Variants in PTPRJ observed in about 807,000 individuals in gnomAD.
PTPRJ encodes the protein receptor-type tyrosine-protein phosphatase eta.
PTPRJ carries 129 observed loss-of-function variants against 141.3 expected under a neutral mutation model. That is an observed-to-expected ratio of 0.91 (90% CI 0.79 to 1.06). The LOEUF (loss-of-function observed/expected upper bound fraction) is 1.06. PTPRJ is among the 50% of genes least tolerant of loss of function. PTPRJ has a pLI of 0.00. For missense variants in PTPRJ, 1,601 were observed against 1,679.7 expected, an observed-to-expected ratio of 0.95 and a Z score of 0.82; for synonymous variants, 610 against 640.5, an observed-to-expected ratio of 0.95 and a Z score of 0.72.
In PTPRJ at chr11:48,132,280, C is replaced by T. The variant is rs991785927; in HGVS notation, c.1615+1564C>T. The T allele has an allele frequency of 1.6e-5, 16 of 984,688 alleles. No individual in the cohort carries two copies. In the African/African-American group the frequency reaches 1.7e-4, roughly 11 times the overall value. The allele number at this position is 984,688 out of a possible 1,614,324, so 61.0% of individuals were successfully genotyped here. On this transcript the variant is annotated intron_variant, in intron 8 of 24. Transcript: ENST00000418331. ...GTCAGCTACGGTGGCCTGCACCCAT[C>T]GTCCCAGCTACTTGAGAGGCTGCGG...
In PTPRJ at chr11:48,164,386, G is replaced by C; in HGVS notation, c.3726G>C (p.Gly1242=). ...TATTTCTCTTTTCTCTCAGTGCTGG[G>C]GTCGGAAGGACGGGCACTTTCATTG... The part of the protein sequence containing the change: ...ESPILVHCSA[G]VGRTGTFIAI... The change falls in exon 24 of 25, where the codon GGG becomes GGC. Residue 1242 remains glycine, a synonymous_variant. Coordinates refer to ENST00000418331, the MANE Select transcript of PTPRJ (RefSeq NM_002843.4). 2 of 1,613,854 alleles carry C rather than the reference G, an allele frequency of 1.2e-6. No individual in the cohort carries two copies. The highest frequency in any genetic ancestry group is 1.7e-6 in the Non-Finnish European group (2 of 1,179,938).
chr11:48,012,814 A>G (rs894473732), intron 1 of PTPRJ, among the ~76,000 whole-genome samples: 3 of 152,172 alleles, frequency 2.0e-5, no homozygotes, highest in African/African-American at 7.2e-5. Context: ...TAAAAAGTAT[A>G]CAGTTCAAGG....
At chr11:48,124,077 A>ACTT (rs1470061480) in intron 5 of PTPRJ, among the ~76,000 whole-genome samples, 1 of 152,214 alleles carries the variant, frequency 6.6e-6, no homozygotes, top group African/African-American at 2.4e-5. Flanking sequence ...TGGGGCTGAG[A>ACTT]ACAGCAATAG....
rs1273475267 is a variant in PTPRJ, at chr11:47,995,413, G to A, written c.96+14405G>A. ...TGGGAGGGTCTACATAGGACAGGGC[G>A]TGTCTGAGTCCAGGAAGGACAGCTG... On this transcript the variant is annotated intron_variant, in intron 1 of 24. Transcript: ENST00000418331. Among the ~76,000 whole-genome samples the A allele has an allele frequency of 2.6e-5, 4 of 152,302 alleles. No individual in the cohort carries two copies. In the East Asian group the frequency reaches 5.8e-4, roughly 22 times the overall value.
intron 1 of PTPRJ, among the ~76,000 whole-genome samples, chr11:47,983,651 C>T (rs544246728): frequency 6.6e-6 from 1 of 152,308 alleles, no homozygotes; most frequent in Admixed American, 6.5e-5. Context: ...TCTGACTCCT[C>T]CCATTCTCAT....
intron 12 of PTPRJ, 83 bp from the exon 13 acceptor site, chr11:48,144,592 C>A: frequency 8.9e-7 from 1 of 1,118,572 alleles, no homozygotes; most frequent in Non-Finnish European, 1.3e-6. Context: ...TATCACCCAA[C>A]ATCACCACCA....
intron 21 of PTPRJ, 121 bp downstream of exon 21, chr11:48,156,240 T>C: frequency 1.2e-6 from 1 of 807,378 alleles, no homozygotes; most frequent in Non-Finnish European, 1.9e-6. Context: ...CACTTTATTC[T>C]TATAAACTTG....
At chr11:48,160,104 G>A (rs542303324) in intron 22 of PTPRJ, 55 bp downstream of exon 22, 1 of 1,590,154 alleles carries the variant, frequency 6.3e-7, no homozygotes, top group South Asian at 1.1e-5. Context: ...TGTTAATTTG[G>A]GGGTGATATG....
At chr11:48,164,602 TG>T in intron 24 of PTPRJ, 87 bp downstream of exon 24, 2 of 1,368,772 alleles carry the variant, frequency 1.5e-6, no homozygotes, top group South Asian at 3.0e-5. Flanking sequence ...AGTCTTGCTC[TG>T]TCGCCCAGGC....
At chr11:47,982,037 T>C (rs1853924262) in intron 1 of PTPRJ, among the ~76,000 whole-genome samples, 1 of 152,196 alleles carries the variant, frequency 6.6e-6, no homozygotes. Flanking sequence ...GGATGGAACC[T>C]GGTTTCAGGG....
At chr11:47,991,091 G>C (rs1488996636) in intron 1 of PTPRJ, among the ~76,000 whole-genome samples, 1 of 152,094 alleles carries the variant, frequency 6.6e-6, no homozygotes, top group Non-Finnish European at 1.5e-5. Context: ...TACACACACA[G>C]ACACACGCAA....
intron 1 of PTPRJ, among the ~76,000 whole-genome samples, chr11:48,084,405 A>G (rs1855641962): frequency 6.6e-6 from 1 of 152,102 alleles, no homozygotes; most frequent in Non-Finnish European, 1.5e-5. Context: ...GCTTGTCTCG[A>G]ACTCCTGACC....
intron 18 of PTPRJ, among the ~76,000 whole-genome samples, chr11:48,151,235 G>T (rs1183987293): frequency 6.6e-6 from 1 of 151,992 alleles, no homozygotes; most frequent in African/African-American, 2.4e-5. Context: ...AAACCTCTGG[G>T]CAGCGCCCTT....
intron 11 of PTPRJ, among the ~76,000 whole-genome samples, chr11:48,142,463 C>T (rs12279053): frequency 0.052 from 7,936 of 152,166 alleles, 714 homozygotes; most frequent in African/African-American, 0.18. Flanking sequence ...TGAAGTCTTC[C>T]AATCCATGAG....
rs201465450 is a variant in PTPRJ, at chr11:48,143,043, C to T, written c.2568C>T (p.Thr856=). 122 of 1,614,072 alleles carry T rather than the reference C, an allele frequency of 7.6e-5. 2 individuals are homozygous for T. The Middle Eastern group carries it at 8.3e-4, about 11-fold the overall frequency. The change falls in exon 12 of 25, where the codon ACC becomes ACT. Residue 856 remains threonine, a synonymous_variant. Coordinates refer to ENST00000418331, the MANE Select transcript of PTPRJ (RefSeq NM_002843.4). The part of the protein sequence containing the change: ...PIKAYAVILT[T]GEAGHPSADV... ...AAGCCTATGCTGTCATTCTCACCAC[C>T]GGGGAAGGTAAGGAGAGGCCTCCGT...
In PTPRJ at chr11:48,136,264, G is replaced by C; in HGVS notation, c.1841G>C (p.Trp614Ser). 1.2e-6 allele frequency: 2 copies of C among 1,614,126 alleles called. No individual in the cohort carries two copies. Among genetic ancestry groups the C allele is most frequent in the Non-Finnish European group, 1.7e-6 (2 of 1,180,024 alleles). Residue 614 changes from tryptophan to serine, a missense_variant, in exon 9 of 25, where the codon TGG (tryptophan) becomes TCG (serine). Physicochemically the swap from Trp to Ser is radical, Grantham distance 177 (BLOSUM62 -3). Transcript: ENST00000418331. ...ATCTCTCCAGAAGTGGACCACGTCTGGGGGGACCCCAACTCCACTGCACAG... is the reference window on the plus strand; with the variant it reads ...ATCTCTCCAGAAGTGGACCACGTCTCGGGGGACCCCAACTCCACTGCACAG... ...ITISPEVDHVWGDPNSTAQYT... is the reference protein window; with the variant it reads ...ITISPEVDHVSGDPNSTAQYT...
rs1005854325 is a variant in PTPRJ, at chr11:48,167,614, T to C, written c.*252T>C. The stretch of plus-strand genomic sequence containing the variant: ...GGGATGAGGTCACTTTTTTTTTTTT[T>C]CCCCCTTGAGGATTGTGGAAAACCA... On this transcript the variant is annotated 3_prime_UTR_variant, in exon 25 of 25. Coordinates refer to ENST00000418331, the MANE Select transcript of PTPRJ (RefSeq NM_002843.4). The C allele has an allele frequency of 6.9e-5, 23 of 334,906 alleles. No individual in the cohort carries two copies. Among genetic ancestry groups the C allele is most frequent in the African/African-American group, 6.4e-5 (3 of 46,832 alleles). The allele number at this position is 334,906 out of a possible 1,614,324, so 20.7% of individuals were successfully genotyped here.
Position 48,168,590 on chromosome 11 carries a change from C to A in PTPRJ, c.*1228C>A, listed in dbSNP as rs1857982160. On this transcript the variant is annotated 3_prime_UTR_variant, in exon 25 of 25. Transcript: ENST00000418331. ...TATATATATATATATATACACTAAG[C>A]TCTCAAAAACAGTCATTCCTATGAA... is the stretch of plus-strand genomic sequence containing the variant. 1 of 115,074 alleles carries A rather than the reference C, an allele frequency of 8.7e-6. No homozygotes were observed. Among genetic ancestry groups the A allele is most frequent in the Non-Finnish European group, 1.7e-5 (1 of 57,516 alleles). The allele number at this position is 115,074 out of a possible 1,614,324, so 7.1% of individuals were successfully genotyped here. A position where few individuals can be genotyped will look rare whatever the true frequency, so the allele number is the denominator to read the frequency against.
intron 1 of PTPRJ, among the ~76,000 whole-genome samples, chr11:48,051,595 A>G (rs2134247759): frequency 6.6e-6 from 1 of 152,360 alleles, no homozygotes; most frequent in South Asian, 2.1e-4. Context: ...AATGATAACT[A>G]AGAGCAGTTG....
Sources: gnomAD v4.1 joint callset for allele counts (sites outside exome capture counted in the v4.1 genomes callset) on GRCh38, gnomAD v4.1.1 for gene constraint, MANE v1.5 for transcripts, NCBI Gene and HGNC (gene_info 2026-07-23, HGNC 2026-07-21) for gene names.